Variants in CELF2 observed in about 807,000 individuals in gnomAD.
CELF2 encodes the protein CUG triplet repeat RNA-binding protein 2.
In CELF2, 8 loss-of-function variants were observed where a neutral mutation model predicts 62.6. The observed-to-expected ratio is 0.13, with a 90% CI of 0.07 to 0.23. The LOEUF (loss-of-function observed/expected upper bound fraction) is 0.23. Among genes scored for constraint, CELF2 ranks in the 10% least tolerant of loss-of-function variants. The pLI is 1.00. For synonymous variants in CELF2, 258 were observed against 250.0 expected (o/e 1.03, Z -0.30); for missense variants, 333 against 671.0 (o/e 0.50, Z 5.56).
At chr10:11,283,942 T>G (rs1370612570) in intron 8 of CELF2, among the ~76,000 whole-genome samples, 4 of 135,232 alleles carry the variant, frequency 3.0e-5, no homozygotes, top group African/African-American at 5.8e-5. Flanking sequence ...GTGTGGTGGG[T>G]GGATGAGGGA....
In CELF2 at chr10:11,328,012, C is replaced by G. The variant is rs563062614; in HGVS notation, c.1439-914C>G. On this transcript the variant is annotated intron_variant, in intron 12 of 12. Transcript: ENST00000633077. This position sits in a 1 kb window ranked among gnomAD's most constrained non-coding sequence, Gnocchi z 6.4. ...TTGCTATACCTCTGCTGCTGCCTCC[C>G]CCAGTGCTGGAACAGACTCTGGGAC... 1.3e-5 allele frequency among the ~76,000 whole-genome samples: 2 copies of G among 152,336 alleles called. No individual in the cohort carries two copies. Among genetic ancestry groups the G allele is most frequent in the South Asian group, 2.1e-4 (1 of 4,826 alleles).
chr10:11,297,245 T>C lies in CELF2; in HGVS notation c.976+8693T>C, dbSNP rs949744428. ...GAGCTCAAGTGCACATGAACGGACA[T>C]TCCGTGAAATGTGTCCAGCAGCAGT... On this transcript the variant is annotated intron_variant, in intron 9 of 12. Coordinates refer to ENST00000633077, the MANE Select transcript of CELF2 (RefSeq NM_001326342.2). The surrounding 1 kb of genome is among the most constrained non-coding windows in gnomAD (Gnocchi z 4.4). Among the ~76,000 whole-genome samples the C allele has an allele frequency of 2.0e-5, 3 of 152,286 alleles. No homozygotes were observed. Among genetic ancestry groups the C allele is most frequent in the Admixed American group, 6.5e-5 (1 of 15,290 alleles).
rs908653071 is a variant in CELF2 at position 11,269,342 on chromosome 10, C to CT, written c.619-1316dup. 1.6e-4 allele frequency among the ~76,000 whole-genome samples: 25 copies of CT among 152,112 alleles called. No homozygotes were observed. Among genetic ancestry groups the CT allele is most frequent in the African/African-American group, 4.6e-4 (19 of 41,484 alleles). ...TGAAATATTCATCTCATTTTTCTCA[C>CT]TTTTTTTTATTAACAGACATGATAT... is the stretch of plus-strand genomic sequence containing the variant. On this transcript the variant is annotated intron_variant, in intron 6 of 12. Coordinates refer to ENST00000633077, the MANE Select transcript of CELF2 (RefSeq NM_001326342.2). This position sits in a 1 kb window ranked among gnomAD's most constrained non-coding sequence, Gnocchi z 4.4.
chr10:11,019,117 C>G (rs2057869136), intron 1 of CELF2, among the ~76,000 whole-genome samples: 1 of 152,126 alleles, frequency 6.6e-6, no homozygotes. Context: ...TAATTTTTAG[C>G]TGGCTTGATA....
At chr10:11,132,104 T>C (rs61832280) in intron 1 of CELF2, among the ~76,000 whole-genome samples, 261 of 152,356 alleles carry the variant, frequency 1.7e-3, no homozygotes, top group Admixed American at 3.5e-3. Flanking sequence ...CCTCAAGTTA[T>C]CCACTGGCAT....
At chr10:11,142,967 A>ATTCTTCTGTCCTCCCTCCACTGGGGGG (rs2061620588) in intron 1 of CELF2, among the ~76,000 whole-genome samples, 2 of 123,990 alleles carry the variant, frequency 1.6e-5, no homozygotes, top group African/African-American at 6.7e-5. Flanking sequence ...CCACTGGGGG[A>ATTCTTCTGTCCTCCCTCCACTGGGGGG]ACTCACTCCC....
the CELF2 span, among the ~76,000 whole-genome samples, chr10:10,551,199 A>G: frequency 6.6e-6 from 1 of 152,182 alleles, no homozygotes; most frequent in Non-Finnish European, 1.5e-5. Flanking sequence ...AGCTCAAACC[A>G]GTGTTGTTCA....
chr10:10,756,858 CG>C, the CELF2 span, among the ~76,000 whole-genome samples: 1 of 152,052 alleles, frequency 6.6e-6, no homozygotes, highest in Non-Finnish European at 1.5e-5. Flanking sequence ...AAAATAACTA[CG>C]GGGACTGGGC....
rs1344484443 is a variant in CELF2, at chr10:11,237,339, G to A, written c.355-11814G>A. Among the ~76,000 whole-genome samples, 1 of 152,202 alleles carries A rather than the reference G, an allele frequency of 6.6e-6. No homozygotes were observed. Among genetic ancestry groups the A allele is most frequent in the African/African-American group, 2.4e-5 (1 of 41,444 alleles). Reference sequence around the variant, plus strand: ...CATCCCGGGGTTGATGTCCCCATAAGCCGTGGTCTCTGTCCAGCTTCTCAA... The same window carrying A: ...CATCCCGGGGTTGATGTCCCCATAAACCGTGGTCTCTGTCCAGCTTCTCAA... On this transcript the variant is annotated intron_variant, in intron 3 of 12. Coordinates refer to ENST00000633077, the MANE Select transcript of CELF2 (RefSeq NM_001326342.2). The surrounding 1 kb of genome is among the most constrained non-coding windows in gnomAD (Gnocchi z 4.0).
chr10:10,562,661 T>A, the CELF2 span, among the ~76,000 whole-genome samples: 1 of 152,290 alleles, frequency 6.6e-6, no homozygotes, highest in Admixed American at 6.5e-5. Flanking sequence ...ATTCCTGAAG[T>A]TACCCACACA....
the CELF2 span, among the ~76,000 whole-genome samples, chr10:10,739,331 T>C: frequency 6.6e-6 from 1 of 152,222 alleles, no homozygotes; most frequent in African/African-American, 2.4e-5. Flanking sequence ...TTTTGTTTGA[T>C]GTTTCATTGA....
chr10:10,476,018 A>T, the CELF2 span, among the ~76,000 whole-genome samples: 5 of 152,066 alleles, frequency 3.3e-5, no homozygotes, highest in African/African-American at 1.2e-4. Context: ...TTTCCACCAC[A>T]GAGACTGCTG....
At chr10:10,497,214 G>GA in the CELF2 span, among the ~76,000 whole-genome samples, 55,141 of 142,996 alleles carry the variant, frequency 0.39, 10,827 homozygotes, top group East Asian at 0.62. Context: ...AAGATAAAAA[G>GA]AAAAAAAAAA....
At chr10:10,611,853 C>T in the CELF2 span, among the ~76,000 whole-genome samples, 4 of 152,116 alleles carry the variant, frequency 2.6e-5, no homozygotes, top group Non-Finnish European at 4.4e-5. Flanking sequence ...TTTGTCAAAA[C>T]GCAAAAGAGG....
the CELF2 span, among the ~76,000 whole-genome samples, chr10:10,785,614 A>G: frequency 2.4e-4 from 37 of 152,358 alleles, no homozygotes; most frequent in African/African-American, 8.7e-4. Flanking sequence ...AAGTGAAGTA[A>G]GCCAGGCACA....
At chr10:11,059,861 C>T (rs1033950135) in intron 1 of CELF2, among the ~76,000 whole-genome samples, 1 of 152,162 alleles carries the variant, frequency 6.6e-6, no homozygotes. Flanking sequence ...GGGAATAGAG[C>T]CTTTGCATTT....
chr10:10,739,922 CTTT>C, the CELF2 span, among the ~76,000 whole-genome samples: 1 of 152,090 alleles, frequency 6.6e-6, no homozygotes, highest in Non-Finnish European at 1.5e-5. Context: ...CCTTTGCCCC[CTTT>C]TTAATCAGGT....
chr10:10,690,145 C>G, the CELF2 span, among the ~76,000 whole-genome samples: 1 of 152,176 alleles, frequency 6.6e-6, no homozygotes, highest in Admixed American at 6.5e-5. Flanking sequence ...TCTTCATTGG[C>G]TTCTAAGACT....
rs116974071 is a variant in CELF2 at position 11,302,405 on chromosome 10, T to G, written c.977-11734T>G. Among the ~76,000 whole-genome samples the G allele has an allele frequency of 0.026, 3,934 of 151,836 alleles. 79 individuals are homozygous for G. The highest frequency in any genetic ancestry group is 0.071 in the Middle Eastern group (21 of 294). On this transcript the variant is annotated intron_variant, in intron 9 of 12. Coordinates refer to ENST00000633077, the MANE Select transcript of CELF2 (RefSeq NM_001326342.2). The surrounding 1 kb of genome is among the most constrained non-coding windows in gnomAD (Gnocchi z 5.0). ...ACCAGAGCGTCTGACTCAGCGGGAG[T>G]GAGGGGAGCCCCAGGTGGTGCCGAT...
Sources: allele counts gnomAD v4.1 joint callset (sites outside exome capture counted in the v4.1 genomes callset), GRCh38; gene constraint gnomAD v4.1.1; non-coding constraint Gnocchi (gnomAD v3.1); transcripts MANE v1.5; gene names NCBI Gene and HGNC (gene_info 2026-07-23, HGNC 2026-07-21).